SND1: variants seen among roughly 807,000 people sequenced by gnomAD.
SND1 encodes the protein staphylococcal nuclease domain-containing protein 1.
A neutral mutation model predicts 121.7 loss-of-function variants in SND1; 38 were observed. The observed-to-expected ratio is 0.31, with a 90% CI of 0.24 to 0.41. SND1 has a LOEUF of 0.41. Ranked by LOEUF, SND1 falls within the 10% of genes least tolerant of loss-of-function variation. The pLI, the probability that SND1 is intolerant of heterozygous loss-of-function variation, is 1.00. For missense variants in SND1, 868 were observed against 1,184.6 expected, an observed-to-expected ratio of 0.73 and a Z score of 3.92; for synonymous variants, 401 against 447.4, an observed-to-expected ratio of 0.90 and a Z score of 1.31.
chr7:127,708,770 A>C (rs140058654), intron 9 of SND1, among the ~76,000 whole-genome samples: 21 of 152,326 alleles, frequency 1.4e-4, no homozygotes, highest in Middle Eastern at 3.4e-3. Context: ...AAATGCTGTA[A>C]TGTTTTCCAG....
intron 15 of SND1, among the ~76,000 whole-genome samples, chr7:127,988,552 A>G (rs1802448470): frequency 6.6e-6 from 1 of 152,190 alleles, no homozygotes. Flanking sequence ...ACCCTGGCCC[A>G]CTGAGCCATC....
At chr7:127,891,802 T>C (rs1057367871) in intron 13 of SND1, among the ~76,000 whole-genome samples, 5 of 152,146 alleles carry the variant, frequency 3.3e-5, no homozygotes, top group African/African-American at 1.2e-4. Context: ...CACTTTTTAA[T>C]CTTCAGCGAT....
intron 17 of SND1, 104 bp downstream of exon 17, chr7:128,074,794 A>G (rs991526150): frequency 8.6e-7 from 1 of 1,158,914 alleles, no homozygotes; most frequent in African/African-American, 1.5e-5. Context: ...ATCCCCACAG[A>G]GTAGCCCAGG....
intron 8 of SND1, among the ~76,000 whole-genome samples, chr7:127,706,460 A>G (rs1040251955): frequency 1.8e-4 from 27 of 152,050 alleles, no homozygotes; most frequent in Middle Eastern, 3.4e-3. Flanking sequence ...GGGTTTCACC[A>G]CGTTGGCCAG....
chr7:127,665,487 G>C (rs905170897), intron 1 of SND1, among the ~76,000 whole-genome samples: 1 of 152,000 alleles, frequency 6.6e-6, no homozygotes, highest in Non-Finnish European at 1.5e-5. Context: ...GCGCCCGGCC[G>C]ACAGTCAACA....
intron 16 of SND1, among the ~76,000 whole-genome samples, chr7:128,069,973 G>A (rs1319440849): frequency 6.6e-6 from 1 of 152,232 alleles, no homozygotes; most frequent in Non-Finnish European, 1.5e-5. Context: ...TGGCATTGAA[G>A]CGGGCAAAGG....
chr7:127,710,066 G>T (rs534704539), intron 9 of SND1, among the ~76,000 whole-genome samples: 2 of 151,718 alleles, frequency 1.3e-5, no homozygotes, highest in South Asian at 4.2e-4. Context: ...GCTGAATTTG[G>T]CTGGGCACTT....
In SND1 at chr7:127,652,551, C is replaced by T. The variant is rs1171735714; in HGVS notation, c.78+100C>T. Reference sequence around the variant, plus strand: ...CAGCCTGCTCCATGTCCCAGATCCCCTTTCCTCTGCCCCCTTCCTCACTTT... The same window carrying T: ...CAGCCTGCTCCATGTCCCAGATCCCTTTTCCTCTGCCCCCTTCCTCACTTT... On this transcript the variant is annotated intron_variant, in intron 1 of 23. Transcript: ENST00000354725. 5 of 971,150 alleles carry T rather than the reference C, an allele frequency of 5.1e-6. No homozygotes were observed. In the Admixed American group the frequency reaches 1.3e-4, roughly 26 times the overall value. The allele number at this position is 971,150 out of a possible 1,614,324, so 60.2% of individuals were successfully genotyped here.
At chr7:127,664,974 T>G (rs1362999875) in intron 1 of SND1, among the ~76,000 whole-genome samples, 4 of 152,180 alleles carry the variant, frequency 2.6e-5, no homozygotes, top group Non-Finnish European at 5.9e-5. Context: ...AATGACAATA[T>G]CTGGCACGGA....
chr7:127,981,917 T>A (rs1351690724), intron 15 of SND1, among the ~76,000 whole-genome samples: 1 of 152,210 alleles, frequency 6.6e-6, no homozygotes, highest in Non-Finnish European at 1.5e-5. Flanking sequence ...TCCAGAACTC[T>A]TGGAAAAGCA....
At chr7:127,996,878 T>G (rs1802672567) in intron 16 of SND1, among the ~76,000 whole-genome samples, 2 of 152,158 alleles carry the variant, frequency 1.3e-5, no homozygotes, top group Admixed American at 1.3e-4. Flanking sequence ...CTTTATCACC[T>G]CCCCACACAT....
chr7:127,992,297 A>C (rs1159548618), intron 16 of SND1, among the ~76,000 whole-genome samples: 1 of 152,156 alleles, frequency 6.6e-6, no homozygotes, highest in Non-Finnish European at 1.5e-5. Context: ...ATGCTGCCTG[A>C]ATTTTTATCA....
At chr7:128,021,639 A>G (rs60347332) in intron 16 of SND1, among the ~76,000 whole-genome samples, 3,572 of 152,304 alleles carry the variant, frequency 0.023, 150 homozygotes, top group African/African-American at 0.081. Flanking sequence ...TCTAGTGACT[A>G]AATCAGCACC....
chr7:127,765,606 A>G lies in SND1; in HGVS notation c.1153-41878A>G, dbSNP rs572030750. On this transcript the variant is annotated intron_variant, in intron 10 of 23. Transcript: ENST00000354725. Reference sequence around the variant, plus strand: ...TAAGGACCAAGCTTTAAATCCTTCAATTAAATATTTCGAGGCTGAGGCCTG... The same window carrying G: ...TAAGGACCAAGCTTTAAATCCTTCAGTTAAATATTTCGAGGCTGAGGCCTG... 2.6e-5 allele frequency among the ~76,000 whole-genome samples: 4 copies of G among 152,372 alleles called. No homozygotes were observed. In the East Asian group the frequency reaches 7.7e-4, roughly 29 times the overall value.
At chr7:127,924,758 A>G (rs1219477124) in intron 14 of SND1, among the ~76,000 whole-genome samples, 26 of 152,146 alleles carry the variant, frequency 1.7e-4, no homozygotes, top group Non-Finnish European at 2.2e-4. Flanking sequence ...TCATCATACT[A>G]AATTATTTTA....
intron 16 of SND1, chr7:127,998,482 C>T (rs1052805103): frequency 3.9e-5 from 6 of 155,532 alleles, no homozygotes; most frequent in Middle Eastern, 3.4e-3. Flanking sequence ...CTGCAAATCT[C>T]TCCCTCTCTG....
intron 10 of SND1, among the ~76,000 whole-genome samples, chr7:127,778,457 A>T (rs769088410): frequency 7.2e-5 from 11 of 152,156 alleles, no homozygotes; most frequent in Non-Finnish European, 1.6e-4. Context: ...TTGGCCTCCC[A>T]AAGTGCTGGG....
At chr7:127,785,443 A>G (rs964545310) in intron 10 of SND1, among the ~76,000 whole-genome samples, 1 of 152,250 alleles carries the variant, frequency 6.6e-6, no homozygotes, top group African/African-American at 2.4e-5. Flanking sequence ...GAAAAATCTT[A>G]TATGAGTTTA....
At chr7:128,045,909 A>G (rs1562881074) in intron 16 of SND1, among the ~76,000 whole-genome samples, 1 of 152,196 alleles carries the variant, frequency 6.6e-6, no homozygotes, top group Non-Finnish European at 1.5e-5. Flanking sequence ...TGCCTTTTTA[A>G]AAGTTTAAAA....
Sources: allele counts gnomAD v4.1 joint callset (sites outside exome capture counted in the v4.1 genomes callset), GRCh38; gene constraint gnomAD v4.1.1; transcripts MANE v1.5; gene names NCBI Gene and HGNC (gene_info 2026-07-23, HGNC 2026-07-21).